The following CFAP54 variants were observed in gnomAD, a reference collection of about 807,000 sequenced individuals.
CFAP54 encodes the protein cilia and flagella associated protein 54.
Under a neutral mutation model 370.4 loss-of-function variants are expected in CFAP54, and 290 were observed. The observed-to-expected ratio is 0.78, with a 90% confidence interval of 0.71 to 0.86. The LOEUF (loss-of-function observed/expected upper bound fraction) is 0.86. CFAP54 is among the 40% of genes least tolerant of loss of function. CFAP54 has a pLI of 0.00. For missense variants in CFAP54, 3,399 were observed against 3,528.7 expected, an observed-to-expected ratio of 0.96 and a Z score of 0.93; for synonymous variants, 1,206 against 1,236.5, an observed-to-expected ratio of 0.98 and a Z score of 0.52.
intron 14 of CFAP54, among the ~76,000 whole-genome samples, chr12:96,543,526 A>G (rs1392326207): frequency 6.6e-6 from 1 of 152,180 alleles, no homozygotes; most frequent in Non-Finnish European, 1.5e-5. Context: ...TGCATTTATT[A>G]TACTGAAGTC....
At chr12:96,526,976 C>G (rs190564361) in intron 8 of CFAP54, among the ~76,000 whole-genome samples, 1 of 148,122 alleles carries the variant, frequency 6.8e-6, no homozygotes, top group African/African-American at 2.5e-5. Flanking sequence ...CTTGCTGCAG[C>G]CTCTACCTCC....
Position 96,640,738 on chromosome 12 carries a change from A to G in CFAP54, c.4317-3440A>G, listed in dbSNP as rs145337652. Among the ~76,000 whole-genome samples, 501 of 152,342 alleles carry G rather than the reference A, an allele frequency of 3.3e-3. 7 individuals are homozygous for G. The highest frequency in any genetic ancestry group is 7.9e-3 in the East Asian group (41 of 5,186). On this transcript the variant is annotated intron_variant, in intron 32 of 67. Coordinates refer to ENST00000524981, the MANE Select transcript of CFAP54 (RefSeq NM_001306084.2). ...GGTACCAAAACAGAGATATAGACTA[A>G]TGGAACAGAACAGATCCCCCAGAAA...
intron 48 of CFAP54, among the ~76,000 whole-genome samples, chr12:96,713,271 T>A (rs908842578): frequency 1.3e-5 from 2 of 152,126 alleles, no homozygotes; most frequent in Admixed American, 1.3e-4. Context: ...AGCCAAGATA[T>A]GGAATCAACC....
At chr12:96,651,104 TC>T (rs1956852757) in intron 35 of CFAP54, among the ~76,000 whole-genome samples, 2 of 152,226 alleles carry the variant, frequency 1.3e-5, no homozygotes, top group Admixed American at 1.3e-4. Flanking sequence ...AGGACTTCTT[TC>T]CTGACCACCC....
chr12:96,830,639 A>G (rs901163247), intron 66 of CFAP54, among the ~76,000 whole-genome samples: 3 of 152,034 alleles, frequency 2.0e-5, no homozygotes, highest in Admixed American at 2.0e-4. Flanking sequence ...AGATGAGAGG[A>G]CCATTTACCC....
intron 14 of CFAP54, among the ~76,000 whole-genome samples, chr12:96,541,972 A>T (rs1955579556): frequency 6.6e-6 from 1 of 151,472 alleles, no homozygotes; most frequent in African/African-American, 2.4e-5. Flanking sequence ...CTCTCAAAGG[A>T]TGGCCTTCTG....
intron 66 of CFAP54, 85 bp downstream of exon 66, chr12:96,829,173 T>C: frequency 2.7e-6 from 2 of 751,234 alleles, no homozygotes; most frequent in South Asian, 2.1e-5. Flanking sequence ...CATCTAATTG[T>C]AAGTATCAAG....
chr12:96,651,300 T>C (rs985400644), intron 35 of CFAP54, among the ~76,000 whole-genome samples: 2 of 152,200 alleles, frequency 1.3e-5, no homozygotes, highest in Non-Finnish European at 2.9e-5. Context: ...CGCTGCTGAA[T>C]TCCCAGCACC....
At chr12:96,729,794 G>A (rs994270481) in intron 50 of CFAP54, among the ~76,000 whole-genome samples, 2 of 152,206 alleles carry the variant, frequency 1.3e-5, no homozygotes, top group African/African-American at 4.8e-5. Context: ...CACGCTGGGA[G>A]CTGTAGACCG....
At chr12:96,539,675 A>C (rs1374570200) in intron 13 of CFAP54, among the ~76,000 whole-genome samples, 1 of 150,922 alleles carries the variant, frequency 6.6e-6, no homozygotes, top group Non-Finnish European at 1.5e-5. Context: ...ACTCTGTCTC[A>C]AAAAAAATAA....
chr12:96,524,751 C>T (rs17375557), intron 8 of CFAP54, among the ~76,000 whole-genome samples: 14,009 of 152,224 alleles, frequency 0.092, 804 homozygotes, highest in Middle Eastern at 0.16. Flanking sequence ...GAGTAGATGT[C>T]ATGGAGACTG....
chr12:96,599,525 A>G (rs1381862573), intron 26 of CFAP54, among the ~76,000 whole-genome samples: 8 of 152,096 alleles, frequency 5.3e-5, no homozygotes, highest in African/African-American at 7.2e-5. Context: ...TATATACCCA[A>G]TAATGGGATC....
intron 50 of CFAP54, among the ~76,000 whole-genome samples, chr12:96,733,549 T>TG (rs1329138527): frequency 1.3e-5 from 2 of 151,750 alleles, no homozygotes; most frequent in South Asian, 4.2e-4. Context: ...TGGGTTTTTT[T>TG]TTTTTTTTTT....
At chr12:96,873,420 G>C (rs1168496564) in intron 67 of CFAP54, among the ~76,000 whole-genome samples, 3 of 152,202 alleles carry the variant, frequency 2.0e-5, no homozygotes, top group African/African-American at 7.2e-5. Context: ...AGATTCCGGA[G>C]GTAAGGTGAG....
intron 67 of CFAP54, among the ~76,000 whole-genome samples, chr12:96,873,983 C>T (rs1260016204): frequency 6.6e-6 from 1 of 152,140 alleles, no homozygotes; most frequent in Non-Finnish European, 1.5e-5. Context: ...CATATGTTCT[C>T]TTTTGTCTTC....
At chr12:96,846,652 C>T (rs1335040901) in intron 66 of CFAP54, among the ~76,000 whole-genome samples, 2 of 152,114 alleles carry the variant, frequency 1.3e-5, no homozygotes, top group African/African-American at 4.8e-5. Flanking sequence ...AAATAGTTCC[C>T]TATAAAGAGC....
intron 63 of CFAP54, among the ~76,000 whole-genome samples, chr12:96,806,159 A>AAC (rs1958875107): frequency 3.6e-5 from 1 of 27,892 alleles, no homozygotes; most frequent in African/African-American, 1.1e-4. Context: ...TCACTAGCCA[A>AAC]ATATATATAT....
chr12:96,788,483 C>T (rs904560704), intron 62 of CFAP54, among the ~76,000 whole-genome samples: 3 of 152,104 alleles, frequency 2.0e-5, no homozygotes, highest in Admixed American at 6.6e-5. Context: ...TACCATTGAA[C>T]TCTTTAATTT....
At chr12:96,504,197 A>G (rs1955064275) in intron 3 of CFAP54, among the ~76,000 whole-genome samples, 168 bp downstream of exon 3, 1 of 152,250 alleles carries the variant, frequency 6.6e-6, no homozygotes, top group East Asian at 1.9e-4. Flanking sequence ...GAACTTATCA[A>G]GCTTTGTAAG....
Sources: gnomAD v4.1 joint callset for allele counts (sites outside exome capture counted in the v4.1 genomes callset) on GRCh38, gnomAD v4.1.1 for gene constraint, MANE v1.5 for transcripts, NCBI Gene and HGNC (gene_info 2026-07-23, HGNC 2026-07-21) for gene names.